The following GPR107 variants were observed in gnomAD, a reference collection of about 807,000 sequenced individuals.
The protein encoded by GPR107 is G protein-coupled receptor 107, also known as protein GPR107.
In GPR107, 31 loss-of-function variants were observed where a neutral mutation model predicts 75.5. The observed-to-expected ratio is 0.41, with a 90% CI of 0.31 to 0.55. The LOEUF (loss-of-function observed/expected upper bound fraction) is 0.55, where lower values mean the gene tolerates loss of function less well. Among genes scored for constraint, GPR107 ranks in the 20% least tolerant of loss-of-function variants. GPR107 has a pLI of 0.26. For synonymous variants in GPR107, 267 were observed against 251.3 expected (o/e 1.06, Z -0.59); for missense variants, 572 against 665.7 (o/e 0.86, Z 1.55).
At chr9:130,104,314 G>A (rs1488024214) in intron 12 of GPR107, 106 bp from the exon 13 acceptor site, 16 of 886,454 alleles carry the variant, frequency 1.8e-5, no homozygotes, top group South Asian at 1.2e-4. Flanking sequence ...TGCTGTGGTC[G>A]CAGATCGTGG....
At chr9:130,054,398 C>T (rs1397640478) in intron 1 of GPR107, among the ~76,000 whole-genome samples, 1 of 152,172 alleles carries the variant, frequency 6.6e-6, no homozygotes, top group Non-Finnish European at 1.5e-5. Context: ...AGCCCGATCG[C>T]CTTTCTTCTT....
chr9:130,099,868 C>CTTT (rs71387314), intron 10 of GPR107, among the ~76,000 whole-genome samples: 11 of 90,014 alleles, frequency 1.2e-4, no homozygotes, highest in South Asian at 3.9e-4. Flanking sequence ...GTTTCCACGA[C>CTTT]TTTTTTTTTT....
intron 13 of GPR107, among the ~76,000 whole-genome samples, chr9:130,106,053 T>G (rs1778858793): frequency 6.6e-6 from 1 of 152,148 alleles, no homozygotes; most frequent in African/African-American, 2.4e-5. Context: ...TCCAGCATTG[T>G]TTCCAGATCG....
At chr9:130,055,220 C>A (rs527795353) in intron 1 of GPR107, among the ~76,000 whole-genome samples, 58 of 152,096 alleles carry the variant, frequency 3.8e-4, no homozygotes, top group African/African-American at 1.4e-3. Context: ...GTAATCCTAG[C>A]ACTTTGGGAG....
At chr9:130,097,576 C>T (rs1226476381) in intron 9 of GPR107, among the ~76,000 whole-genome samples, 1 of 152,140 alleles carries the variant, frequency 6.6e-6, no homozygotes, top group African/African-American at 2.4e-5. Context: ...ATACTGACAT[C>T]TTAATTTTTG....
chr9:130,096,468 CTTTTTTTTTT>C (rs34230243), intron 9 of GPR107, among the ~76,000 whole-genome samples: 2 of 122,372 alleles, frequency 1.6e-5, no homozygotes, highest in Non-Finnish European at 3.2e-5. Context: ...CATTTTTGGA[CTTTTTTTTTT>C]TTTTTTTTGA....
At chr9:130,123,230 AGT>A (rs1371951172) in intron 14 of GPR107, among the ~76,000 whole-genome samples, 1 of 151,786 alleles carries the variant, frequency 6.6e-6, no homozygotes, top group Non-Finnish European at 1.5e-5. Flanking sequence ...TTTGAAACAG[AGT>A]GTTGCTCTGT....
intron 1 of GPR107, among the ~76,000 whole-genome samples, chr9:130,068,345 CT>C (rs11386028): frequency 1.9e-4 from 28 of 150,896 alleles, no homozygotes; most frequent in African/African-American, 6.3e-4. Flanking sequence ...GATCTTGTGG[CT>C]TTTTTTTTCT....
In GPR107 at chr9:130,066,878, C is replaced by T. The variant is rs973328797; in HGVS notation, c.142-8758C>T. On this transcript the variant is annotated intron_variant, in intron 1 of 17. Coordinates refer to ENST00000347136, the MANE Select transcript of GPR107 (RefSeq NM_020960.5). Reference sequence around the variant, plus strand: ...GCGGGCGCCTGTAGTCCCAACTACTCGGGAGGCTGAGGCGGGAGAATGGCG... The same window carrying T: ...GCGGGCGCCTGTAGTCCCAACTACTTGGGAGGCTGAGGCGGGAGAATGGCG... Among the ~76,000 whole-genome samples, 6 of 151,886 alleles carry T rather than the reference C, an allele frequency of 4.0e-5. No homozygotes were observed. The East Asian group carries it at 7.8e-4, about 20-fold the overall frequency.
intron 17 of GPR107, among the ~76,000 whole-genome samples, chr9:130,131,408 C>G (rs925248657): frequency 2.0e-5 from 3 of 152,066 alleles, no homozygotes; most frequent in Non-Finnish European, 4.4e-5. Context: ...TCCTTGAGTT[C>G]ACTTCTGCCA....
At chr9:130,096,118 C>T (rs1318340145) in intron 9 of GPR107, among the ~76,000 whole-genome samples, 1 of 152,122 alleles carries the variant, frequency 6.6e-6, no homozygotes, top group Non-Finnish European at 1.5e-5. Context: ...TCTGCCCCAT[C>T]GTAGATATTC....
intron 14 of GPR107, among the ~76,000 whole-genome samples, chr9:130,108,426 T>C (rs1831212313): frequency 6.6e-6 from 1 of 152,264 alleles, no homozygotes; most frequent in Non-Finnish European, 1.5e-5. Flanking sequence ...ACAAACCTGG[T>C]ATATAACTAA....
chr9:130,056,344 C>CAG (rs3055639), intron 1 of GPR107, among the ~76,000 whole-genome samples: 149,714 of 152,128 alleles, frequency 0.98, 73,682 homozygotes, highest in East Asian at 1. Context: ...CCCAGCTACT[C>CAG]GGGGCTGAGG....
chr9:130,107,014 C>T (rs1831175339), intron 13 of GPR107, among the ~76,000 whole-genome samples: 1 of 152,150 alleles, frequency 6.6e-6, no homozygotes, highest in African/African-American at 2.4e-5. Context: ...TCCCTGGAGG[C>T]TGGCATTTTT....
At chr9:130,082,947 G>A (rs529597757) in intron 5 of GPR107, among the ~76,000 whole-genome samples, 2 of 152,000 alleles carry the variant, frequency 1.3e-5, no homozygotes, top group African/African-American at 4.8e-5. Flanking sequence ...TTGAGATGGA[G>A]TCTCGCTCTG....
chr9:130,096,589 T>C (rs1292595808), intron 9 of GPR107, among the ~76,000 whole-genome samples: 1 of 148,278 alleles, frequency 6.7e-6, no homozygotes, highest in Non-Finnish European at 1.5e-5. Context: ...TGCTTCAGCC[T>C]CCCGAGTAGC....
At chr9:130,075,265 G>C (rs1830315399) in intron 1 of GPR107, among the ~76,000 whole-genome samples, 1 of 94,936 alleles carries the variant, frequency 1.1e-5, no homozygotes, top group Non-Finnish European at 1.9e-5. Context: ...TTTTTTTTGA[G>C]ACAGAGTCTT....
intron 6 of GPR107, 100 bp from the exon 7 acceptor site, chr9:130,086,320 A>G: frequency 1.4e-6 from 1 of 719,042 alleles, no homozygotes; most frequent in South Asian, 1.6e-5. Flanking sequence ...CAGCAAATTT[A>G]GAGTTTAAGA....
Position 130,098,779 on chromosome 9 carries a change from G to A in GPR107, c.864-678G>A, listed in dbSNP as rs150955058. On this transcript the variant is annotated intron_variant, in intron 9 of 17. Transcript: ENST00000347136. ...TCCCAGCACTTTGGGAGGCAGAGGC[G>A]GGTGGATTACTTGAAGTTACAAGTT... Among the ~76,000 whole-genome samples, 669 of 152,248 alleles carry A rather than the reference G, an allele frequency of 4.4e-3. 9 individuals carry two copies. The highest frequency in any genetic ancestry group is 0.015 in the African/African-American group (643 of 41,540).
Sources: allele counts gnomAD v4.1 joint callset (sites outside exome capture counted in the v4.1 genomes callset), GRCh38; gene constraint gnomAD v4.1.1; transcripts MANE v1.5; gene names NCBI Gene and HGNC (gene_info 2026-07-23, HGNC 2026-07-21).